SYT4: variants seen among roughly 807,000 people sequenced by gnomAD.
SYT4 encodes synaptotagmin-4.
SYT4 carries 7 observed loss-of-function variants against 32.9 expected under a neutral mutation model. The observed-to-expected ratio is 0.21, with a 90% confidence interval of 0.12 to 0.40. The LOEUF is 0.40. Among genes scored for constraint, SYT4 ranks in the 10% least tolerant of loss-of-function variants. SYT4 has a pLI of 1.00. For synonymous variants in SYT4, 205 were observed against 186.2 expected (o/e 1.10, Z -0.82); for missense variants, 480 against 488.0 (o/e 0.98, Z 0.16).
rs200418581 is a variant in SYT4, at chr18:43,273,924, C to T, written c.505G>A (p.Ala169Thr). The stretch of plus-strand genomic sequence containing the variant: ...GCTTCCTTGATATTGACCACAAATG[C>T]TTTTCTCTCGAAGTTGTATTCTAAG... ...FSLEYNFERK[A>T]FVVNIKEARG... Residue 169 changes from alanine to threonine, a missense_variant, in exon 2 of 4, where the codon GCA becomes ACA. Physicochemically the swap from Ala to Thr is moderately conservative, Grantham distance 58. Transcript: ENST00000255224. 1,598 of 1,614,044 alleles carry T rather than the reference C, an allele frequency of 9.9e-4. 27 individuals are homozygous for T. The South Asian group carries it at 0.013, about 13-fold the overall frequency.
chr18:43,274,402 A>G lies in SYT4; in HGVS notation c.35-8T>C, dbSNP rs769986937. 6.4e-7 allele frequency: 1 copy of G among 1,572,166 alleles called. No individual in the cohort carries two copies. The highest frequency in any genetic ancestry group is 8.6e-7 in the Non-Finnish European group (1 of 1,168,768). ...CCACTGTGGGGATTTCATCTGAAAA[A>G]TCAAATGACCAATAATATACATTAA... On this transcript the variant is annotated splice_polypyrimidine_tract_variant and splice_region_variant and intron_variant, in intron 1 of 3. Transcript: ENST00000255224.
rs1214631527 is a variant in SYT4, at chr18:43,274,323, T to A, written c.106A>T (p.Ile36Phe). ...TTGGATGATTTTCTCTGACAGCAGA[T>A]CCATGCAAAGAGAGAGACTGTGAAG... The part of the protein sequence containing the change: ...LVFTVSLFAW[I>F]CCQRKSSKSN... Residue 36 changes from isoleucine to phenylalanine, a missense_variant, in exon 2 of 4, where the codon ATC becomes TTC. Coordinates refer to ENST00000255224, the MANE Select transcript of SYT4 (RefSeq NM_020783.4). The A allele has an allele frequency of 6.2e-7, 1 of 1,613,530 alleles. No individual in the cohort carries two copies. Among genetic ancestry groups the A allele is most frequent in the South Asian group, 1.1e-5 (1 of 91,070 alleles).
intron 3 of SYT4, among the ~76,000 whole-genome samples, 199 bp from the exon 4 acceptor site, chr18:43,270,847 TA>T (rs1384560182): frequency 1.3e-5 from 2 of 151,072 alleles, no homozygotes; most frequent in African/African-American, 4.9e-5. Flanking sequence ...ATATGGAAAA[TA>T]AGAGAAAAAA....
rs1908569900 is a variant in SYT4 at position 43,269,827 on chromosome 18, AC to A, written c.*513del. 1 of 154,772 alleles carries A rather than the reference AC, an allele frequency of 6.5e-6. No homozygotes were observed. The highest frequency in any genetic ancestry group is 1.4e-5 in the Non-Finnish European group (1 of 69,436). 9.6% of individuals were successfully genotyped at this position (154,772 alleles called of 1,614,324 possible). On this transcript the variant is annotated 3_prime_UTR_variant, in exon 4 of 4. Transcript: ENST00000255224. The stretch of plus-strand genomic sequence containing the variant: ...ACAAACCAAACTGAAATGACCAGAT[AC>A]TTTTATATGCAGGACAACCATTTGC...
chr18:43,275,438 T>C (rs1422929673), intron 1 of SYT4, among the ~76,000 whole-genome samples: 1 of 152,150 alleles, frequency 6.6e-6, no homozygotes, highest in Admixed American at 6.6e-5. Flanking sequence ...ATGCTTAATA[T>C]CATCAAAGTG....
intron 1 of SYT4, among the ~76,000 whole-genome samples, chr18:43,274,618 G>T (rs1908737347): frequency 6.6e-6 from 1 of 152,042 alleles, no homozygotes. Flanking sequence ...TCATTTCAGT[G>T]GTTTTTCATT....
Position 43,270,322 on chromosome 18 carries a change from C to A in SYT4, c.*19G>T. ...CTTGCCTAGTAAAAACCTTTAAGTT[C>A]CAACTCACGGCTAGGATGCTAACCA... On this transcript the variant is annotated 3_prime_UTR_variant, in exon 4 of 4. Coordinates refer to ENST00000255224, the MANE Select transcript of SYT4 (RefSeq NM_020783.4). The A allele has an allele frequency of 6.2e-7, 1 of 1,604,614 alleles. No individual in the cohort carries two copies. The highest frequency in any genetic ancestry group is 8.5e-7 in the Non-Finnish European group (1 of 1,173,612).
At position 43,270,211 on chromosome 18, in the gene SYT4, T is replaced by A. The variant is rs138651432; in HGVS notation, c.*130A>T. ...GTTACTTTCTGGTCTACTAATTCAA[T>A]CCATTTCTAGCAACAACAACAACAA... On this transcript the variant is annotated 3_prime_UTR_variant, in exon 4 of 4. Transcript: ENST00000255224. The A allele has an allele frequency of 1.6e-4, 148 of 945,528 alleles. No homozygotes were observed. The East Asian group carries it at 3.0e-3, about 19-fold the overall frequency. 58.6% of individuals were successfully genotyped at this position (945,528 alleles called of 1,614,324 possible). A position where few individuals can be genotyped will look rare whatever the true frequency, so the allele number is the denominator to read the frequency against.
intron 3 of SYT4, 147 bp from the exon 4 acceptor site, chr18:43,270,795 A>AAT: frequency 1.3e-6 from 1 of 792,844 alleles, no homozygotes; most frequent in Non-Finnish European, 1.9e-6. Context: ...TATGGATAAA[A>AAT]CTTGGCATTT....
At position 43,270,999 on chromosome 18, in the gene SYT4, T is replaced by A. The variant is rs570118435; in HGVS notation, c.971-351A>T. 2.6e-5 allele frequency among the ~76,000 whole-genome samples: 4 copies of A among 152,288 alleles called. No individual in the cohort carries two copies. The South Asian group carries it at 8.3e-4, about 32-fold the overall frequency. On this transcript the variant is annotated intron_variant, in intron 3 of 3. Coordinates refer to ENST00000255224, the MANE Select transcript of SYT4 (RefSeq NM_020783.4). ...AATAGGATAGAAGGAAAAAAATATA[T>A]TAGACAACATGTAGCTTTACTGACT...
Position 43,271,748 on chromosome 18 carries a change from G to T in SYT4, c.934C>A (p.Arg312=). 6.2e-7 allele frequency: 1 copy of T among 1,613,070 alleles called. No homozygotes were observed. Among genetic ancestry groups the T allele is most frequent in the South Asian group, 1.1e-5 (1 of 91,048 alleles). ...NTLTVVVLKA[R]HLPKSDVSGL... ...GACACATCAGATTTAGGCAGATGTC[G>T]AGCTTTTAAGACAACCACAGTTAGA... The change falls in exon 3 of 4, where the codon CGA becomes AGA. Residue 312 remains arginine, a synonymous_variant. Coordinates refer to ENST00000255224, the MANE Select transcript of SYT4 (RefSeq NM_020783.4).
Position 43,277,357 on chromosome 18 carries a change from C to T in SYT4, c.-76G>A. ...GATTCACTTGCCTGGATCTCAAGCG[C>T]CGGCTTTCGGAGCGCTGAAAACAAC... On this transcript the variant is annotated 5_prime_UTR_variant, in exon 1 of 4. Transcript: ENST00000255224. 6.3e-7 allele frequency: 1 copy of T among 1,593,088 alleles called. No individual in the cohort carries two copies. Among genetic ancestry groups the T allele is most frequent in the South Asian group, 1.1e-5 (1 of 90,500 alleles).
chr18:43,272,603 TGA>T, intron 2 of SYT4, among the ~76,000 whole-genome samples: 1 of 152,296 alleles, frequency 6.6e-6, no homozygotes, highest in East Asian at 1.9e-4. Context: ...TGTTTGCAAC[TGA>T]GAGTGATGGC....
chr18:43,273,851 T>C lies in SYT4; in HGVS notation c.578A>G (p.Tyr193Cys). 1 of 1,614,088 alleles carries C rather than the reference T, an allele frequency of 6.2e-7. No homozygotes were observed. Among genetic ancestry groups the C allele is most frequent in the Non-Finnish European group, 8.5e-7 (1 of 1,179,964 alleles). ...CTCTGGGAGGATCGTCATTTTGATATATGGGTCAGAGGTCATCGACTGCTC... is the reference window on the plus strand; with the variant it reads ...CTCTGGGAGGATCGTCATTTTGATACATGGGTCAGAGGTCATCGACTGCTC... ...MDEQSMTSDPYIKMTILPEKK... is the reference protein window; with the variant it reads ...MDEQSMTSDPCIKMTILPEKK... Residue 193 changes from tyrosine (Y) to cysteine (C), a missense_variant, in exon 2 of 4, where the codon TAT becomes TGT. Tyr to Cys is a radical substitution (Grantham distance 194). Coordinates refer to ENST00000255224, the MANE Select transcript of SYT4 (RefSeq NM_020783.4).
chr18:43,271,222 C>T (rs1416040165), intron 3 of SYT4, among the ~76,000 whole-genome samples: 1 of 152,062 alleles, frequency 6.6e-6, no homozygotes, highest in Non-Finnish European at 1.5e-5. Context: ...TAAGTTCATG[C>T]TACTTTATCA....
At position 43,273,529 on chromosome 18, in the gene SYT4, T is replaced by C. The variant is rs764893822; in HGVS notation, c.849+51A>G. 3.0e-6 allele frequency: 4 copies of C among 1,333,850 alleles called. No individual in the cohort carries two copies. In the African/African-American group the frequency reaches 5.9e-5, roughly 20 times the overall value. The allele number at this position is 1,333,850 out of a possible 1,614,324, so 82.6% of individuals were successfully genotyped here. ...AATAAAAATTCCTTAGACACCAAAA[T>C]GCTACATAAAAGATTGTTTATAAAT... On this transcript the variant is annotated intron_variant, in intron 2 of 3. Transcript: ENST00000255224.
chr18:43,272,857 T>C (rs1908671878), intron 2 of SYT4, among the ~76,000 whole-genome samples: 1 of 152,170 alleles, frequency 6.6e-6, no homozygotes, highest in African/African-American at 2.4e-5. Flanking sequence ...CACTATGTTG[T>C]TTAAAAAACA....
At chr18:43,275,923 TA>T (rs1281949423) in intron 1 of SYT4, among the ~76,000 whole-genome samples, 1 of 152,044 alleles carries the variant, frequency 6.6e-6, no homozygotes, top group Admixed American at 6.6e-5. Flanking sequence ...TCCTGGACCA[TA>T]ATAACCCAAG....
intron 1 of SYT4, among the ~76,000 whole-genome samples, chr18:43,276,548 C>T (rs1023472032): frequency 1.4e-4 from 21 of 152,082 alleles, no homozygotes; most frequent in Middle Eastern, 3.2e-3. Flanking sequence ...GAAAACTGAA[C>T]GGGAAAATTG....
Sources: gnomAD v4.1 joint callset for allele counts (sites outside exome capture counted in the v4.1 genomes callset) on GRCh38, gnomAD v4.1.1 for gene constraint, MANE v1.5 for transcripts, NCBI Gene and HGNC (gene_info 2026-07-23, HGNC 2026-07-21) for gene names.